ATP5F1D: variants seen among roughly 807,000 people sequenced by gnomAD.
The protein encoded by ATP5F1D is ATP synthase F(1) complex subunit delta, mitochondrial.
Under a neutral mutation model 13.0 loss-of-function variants are expected in ATP5F1D, and 16 were observed. That is an observed-to-expected ratio of 1.23 (90% confidence interval 0.83 to 1.87). The LOEUF is 1.87. Among genes scored for constraint, ATP5F1D ranks in the 40% most tolerant of loss-of-function variants. The pLI, the probability that ATP5F1D is intolerant of heterozygous loss-of-function variation, is 0.00. For synonymous variants in ATP5F1D, 129 were observed against 116.2 expected, an observed-to-expected ratio of 1.11 and a Z score of -0.71; for missense variants, 294 against 246.2, an observed-to-expected ratio of 1.19 and a Z score of -1.30.
intron 1 of ATP5F1D, chr19:1,242,238 G>A: frequency 1.3e-6 from 1 of 761,830 alleles, no homozygotes. Flanking sequence ...AAGCCTGGGT[G>A]TCGCCGGATC....
At position 1,244,551 on chromosome 19, in the gene ATP5F1D, G is replaced by A. The variant is rs2081054024; in HGVS notation, c.*114G>A. ...TGGGGAAGCCGCGCCTGCCAAGGAG[G>A]CCACCAGAGGGCAGTGCAGGCTTCT... On this transcript the variant is annotated 3_prime_UTR_variant, in exon 4 of 4. Transcript: ENST00000215375. The A allele has an allele frequency of 6.9e-7, 1 of 1,447,986 alleles. No individual in the cohort carries two copies. The allele number at this position is 1,447,986 out of a possible 1,614,324, so 89.7% of individuals were successfully genotyped here.
intron 2 of ATP5F1D, 62 bp from the exon 3 acceptor site, chr19:1,244,035 G>C: frequency 4.0e-6 from 6 of 1,504,262 alleles, no homozygotes; most frequent in Non-Finnish European, 5.4e-6. Flanking sequence ...TTGACCAGGG[G>C]AGTCCCTGAG....
At position 1,241,763 on chromosome 19, in the gene ATP5F1D, G is replaced by A; in HGVS notation, c.-88G>A. ...GACTCCTCCTCCCAGACGTCCCTGC[G>A]CGTCGTCCTCCTCGCCCTCCAGGCC... is the stretch of plus-strand genomic sequence containing the variant. On this transcript the variant is annotated 5_prime_UTR_variant, in exon 1 of 4. Transcript: ENST00000215375. The A allele has an allele frequency of 8.1e-7, 1 of 1,235,944 alleles. No individual in the cohort carries two copies. Among genetic ancestry groups the A allele is most frequent in the Non-Finnish European group, 1.0e-6 (1 of 987,772 alleles). The allele number at this position is 1,235,944 out of a possible 1,614,324, so 76.6% of individuals were successfully genotyped here. A position where few individuals can be genotyped will look rare whatever the true frequency, so the allele number is the denominator to read the frequency against.
In ATP5F1D at chr19:1,241,932, G is replaced by A. The variant is rs773788869; in HGVS notation, c.82G>A (p.Ala28Thr). The A allele has an allele frequency of 2.0e-6, 3 of 1,494,586 alleles. No individual in the cohort carries two copies. The highest frequency in any genetic ancestry group is 1.4e-5 in the African/African-American group (1 of 69,384). The allele number at this position is 1,494,586 out of a possible 1,614,324, so 92.6% of individuals were successfully genotyped here. Reference protein sequence around the residue: ...HARAYAEAAAAPAAASGPNQM... With the variant: ...HARAYAEAAATPAAASGPNQM... ...CCGTGCCTATGCCGAGGCCGCCGCC[G>A]CCCCGGCTGCCGCCTCTGGCCCCAA... The change falls in exon 1 of 4, where the codon GCC becomes ACC. Residue 28 changes from alanine to threonine, a missense_variant. Physicochemically the swap from Ala to Thr is moderately conservative, Grantham distance 58. Transcript: ENST00000215375.
At chr19:1,243,746 T>A (rs1266090248) in intron 2 of ATP5F1D, among the ~76,000 whole-genome samples, 1 of 152,232 alleles carries the variant, frequency 6.6e-6, no homozygotes, top group Non-Finnish European at 1.5e-5. Flanking sequence ...GTTCTAAGCC[T>A]CACTGGTTTC....
Position 1,241,964 on chromosome 19 carries a change from G to A in ATP5F1D, c.114G>A (p.Met38Ile), listed in dbSNP as rs761901940. ...APAAASGPNQ[M>I]SFTFASPTQV... The stretch of plus-strand genomic sequence containing the variant: ...CTGCCGCCTCTGGCCCCAACCAGAT[G>A]TCCTTCACCTTCGCCTCTCCCACGC... The change falls in exon 1 of 4, where the codon ATG becomes ATA. Residue 38 changes from methionine (M) to isoleucine (I), a missense_variant. Transcript: ENST00000215375. 5.4e-6 allele frequency: 8 copies of A among 1,483,556 alleles called. No individual in the cohort carries two copies. In the Admixed American group the frequency reaches 1.5e-4, roughly 28 times the overall value. 91.9% of individuals were successfully genotyped at this position (1,483,556 alleles called of 1,614,324 possible).
Position 1,242,518 on chromosome 19 carries a change from C to T in ATP5F1D, c.204C>T (p.Gly68=). The T allele has an allele frequency of 6.4e-7, 1 of 1,551,108 alleles. No homozygotes were observed. Among genetic ancestry groups the T allele is most frequent in the Non-Finnish European group, 8.7e-7 (1 of 1,147,648 alleles). ...VDVPTLTGAF[G]ILAAHVPTLQ... ...TGCCCACGCTGACCGGAGCCTTCGG[C>T]ATCCTGGCGGCCCACGTGCCCACGC... Residue 68 remains glycine, a synonymous_variant, in exon 2 of 4, where the codon GGC becomes GGT. Transcript: ENST00000215375.
Position 1,244,627 on chromosome 19 carries a change from G to A in ATP5F1D, c.*190G>A, listed in dbSNP as rs2081054566. 24 of 900,140 alleles carry A rather than the reference G, an allele frequency of 2.7e-5. No homozygotes were observed. In the South Asian group the frequency reaches 3.8e-4, roughly 14 times the overall value. The allele number at this position is 900,140 out of a possible 1,614,324, so 55.8% of individuals were successfully genotyped here. On this transcript the variant is annotated 3_prime_UTR_variant, in exon 4 of 4. Transcript: ENST00000215375. ...TTGAAAGCTCTGGGGACTGGGCCAGGGAAGCTCCTCCTCAGCTTTGAGCTG... is the reference window on the plus strand; with the variant it reads ...TTGAAAGCTCTGGGGACTGGGCCAGAGAAGCTCCTCCTCAGCTTTGAGCTG...
At chr19:1,242,890 G>A (rs868746851) in intron 2 of ATP5F1D, 3 of 230,132 alleles carry the variant, frequency 1.3e-5, no homozygotes, top group Non-Finnish European at 2.5e-5. Context: ...ACTTTGGGAG[G>A]CCGAGGCGGG....
chr19:1,242,268 G>A (rs2081041220), intron 1 of ATP5F1D, 188 bp from the exon 2 acceptor site: 3 of 811,646 alleles, frequency 3.7e-6, no homozygotes, highest in Admixed American at 4.2e-5. Flanking sequence ...CCATTTCGCG[G>A]ATCAGTAGAA....
At chr19:1,242,847 C>A in intron 2 of ATP5F1D, 1 of 370,998 alleles carries the variant, frequency 2.7e-6, no homozygotes, top group Non-Finnish European at 4.5e-6. Context: ...AGAAAACTGG[C>A]CGGGTGCGGT....
In ATP5F1D at chr19:1,244,767, G is replaced by A. The variant is rs985328713; in HGVS notation, c.*330G>A. 8 of 312,904 alleles carry A rather than the reference G, an allele frequency of 2.6e-5. No homozygotes were observed. The Admixed American group carries it at 3.7e-4, about 15-fold the overall frequency. 19.4% of individuals were successfully genotyped at this position (312,904 alleles called of 1,614,324 possible). ...GCCGCCAAGGTTGACCTCAGCTTCG[G>A]AGCCACCTCTGGATGAACTGCCCCC... On this transcript the variant is annotated 3_prime_UTR_variant, in exon 4 of 4. Coordinates refer to ENST00000215375, the MANE Select transcript of ATP5F1D (RefSeq NM_001687.5).
intron 1 of ATP5F1D, 137 bp from the exon 2 acceptor site, chr19:1,242,319 C>A (rs1326854419): frequency 1.2e-5 from 13 of 1,112,168 alleles, no homozygotes; most frequent in South Asian, 2.3e-5. Flanking sequence ...AACTTCGGAT[C>A]CCTGCGCTGG....
At position 1,241,841 on chromosome 19, in the gene ATP5F1D, C is replaced by A; in HGVS notation, c.-10C>A. The A allele has an allele frequency of 1.5e-6, 2 of 1,333,778 alleles. No individual in the cohort carries two copies. The highest frequency in any genetic ancestry group is 3.7e-5 in the Admixed American group (1 of 27,058). 82.6% of individuals were successfully genotyped at this position (1,333,778 alleles called of 1,614,324 possible). A position where few individuals can be genotyped will look rare whatever the true frequency, so the allele number is the denominator to read the frequency against. ...CGCCAGCTACCCGCTTCCTGCCGCC[C>A]GCCGCTGCCATGCTGCCCGCCGCGC... On this transcript the variant is annotated 5_prime_UTR_variant, in exon 1 of 4. Transcript: ENST00000215375.
At position 1,244,409 on chromosome 19, in the gene ATP5F1D, A is replaced by C. The variant is rs372801460; in HGVS notation, c.479A>C (p.Asn160Thr). ...GAGATCCAGATCCGAATCGAGGCCAACGAGGCCCTGGTGAAGGCCCTGGAG... is the reference window on the plus strand; with the variant it reads ...GAGATCCAGATCCGAATCGAGGCCACCGAGGCCCTGGTGAAGGCCCTGGAG... ...RAEIQIRIEANEALVKALE is the reference protein window; with the variant it reads ...RAEIQIRIEATEALVKALE The change falls in exon 4 of 4, where the codon AAC becomes ACC. Residue 160 changes from asparagine to threonine, a missense_variant. Asn to Thr is a moderately conservative substitution (Grantham distance 65). Coordinates refer to ENST00000215375, the MANE Select transcript of ATP5F1D (RefSeq NM_001687.5). 5.8e-6 allele frequency: 9 copies of C among 1,563,506 alleles called. No individual in the cohort carries two copies. Among genetic ancestry groups the C allele is most frequent in the African/African-American group, 1.4e-5 (1 of 73,930 alleles).
Position 1,244,407 on chromosome 19 carries a change from C to T in ATP5F1D, c.477C>T (p.Ala159=). Residue 159 remains alanine, a synonymous_variant, in exon 4 of 4, where the codon GCC becomes GCT. Transcript: ENST00000215375. ...TRAEIQIRIE[A]NEALVKALE is the part of the protein sequence containing the mutation. ...CAGAGATCCAGATCCGAATCGAGGC[C>T]AACGAGGCCCTGGTGAAGGCCCTGG... is the stretch of plus-strand genomic sequence containing the variant. 2 of 1,563,986 alleles carry T rather than the reference C, an allele frequency of 1.3e-6. No individual in the cohort carries two copies. The highest frequency in any genetic ancestry group is 2.4e-5 in the East Asian group (1 of 42,448).
chr19:1,243,974 G>T, intron 2 of ATP5F1D, 123 bp from the exon 3 acceptor site: 1 of 1,014,234 alleles, frequency 9.9e-7, no homozygotes, highest in Non-Finnish European at 1.5e-6. Flanking sequence ...GCACACTCAG[G>T]ACACAGACTT....
At position 1,244,555 on chromosome 19, in the gene ATP5F1D, C is replaced by T. The variant is rs2081054067; in HGVS notation, c.*118C>T. ...GAAGCCGCGCCTGCCAAGGAGGCCA[C>T]CAGAGGGCAGTGCAGGCTTCTGCCT... On this transcript the variant is annotated 3_prime_UTR_variant, in exon 4 of 4. Coordinates refer to ENST00000215375, the MANE Select transcript of ATP5F1D (RefSeq NM_001687.5). The T allele has an allele frequency of 7.0e-7, 1 of 1,436,882 alleles. No individual in the cohort carries two copies. Among genetic ancestry groups the T allele is most frequent in the Non-Finnish European group, 9.3e-7 (1 of 1,074,310 alleles). 89.0% of individuals were successfully genotyped at this position (1,436,882 alleles called of 1,614,324 possible).
intron 1 of ATP5F1D, 132 bp from the exon 2 acceptor site, chr19:1,242,324 C>T: frequency 8.6e-7 from 1 of 1,156,758 alleles, no homozygotes; most frequent in Non-Finnish European, 1.1e-6. Flanking sequence ...CGGATCCCTG[C>T]GCTGGGTTGT....
Sources: gnomAD v4.1 joint callset for allele counts (sites outside exome capture counted in the v4.1 genomes callset) on GRCh38, gnomAD v4.1.1 for gene constraint, MANE v1.5 for transcripts, NCBI Gene and HGNC (gene_info 2026-07-23, HGNC 2026-07-21) for gene names.